PCDHA12: variants seen among roughly 807,000 people sequenced by gnomAD.
PCDHA12 encodes the protein protocadherin alpha-12.
A neutral mutation model predicts 60.0 loss-of-function variants in PCDHA12; 44 were observed. The observed-to-expected ratio is 0.73, with a 90% CI of 0.58 to 0.94. PCDHA12 has a LOEUF of 0.94. PCDHA12 is among the 40% of genes least tolerant of loss of function. The pLI is 0.00. For missense variants in PCDHA12, 1,276 were observed against 1,239.7 expected (o/e 1.03, Z -0.44); for synonymous variants, 569 against 553.0 (o/e 1.03, Z -0.40).
At chr5:140,931,779 T>G (rs1298337220) in intron 1 of PCDHA12, among the ~76,000 whole-genome samples, 1 of 152,006 alleles carries the variant, frequency 6.6e-6, no homozygotes, top group African/African-American at 2.4e-5. Context: ...CCTGTTCAAT[T>G]ACCTATTGAT....
intron 1 of PCDHA12, chr5:140,966,887 G>A: frequency 6.3e-7 from 1 of 1,592,682 alleles, no homozygotes. Flanking sequence ...TGGCCCTGCG[G>A]CCTCCCAGCT....
Position 140,968,771 on chromosome 5 carries a change from T to C in PCDHA12, c.2368-10178T>C, listed in dbSNP as rs144153196. The C allele has an allele frequency of 3.1e-6, 5 of 1,614,024 alleles. No homozygotes were observed. Among genetic ancestry groups the C allele is most frequent in the Non-Finnish European group, 4.2e-6 (5 of 1,180,044 alleles). On this transcript the variant is annotated intron_variant, in intron 1 of 3. Transcript: ENST00000398631. The stretch of plus-strand genomic sequence containing the variant: ...GGTGGTCCGAGATAATGGAGAGCCA[T>C]CACTATCAGCCTCTGTGGCCATTAC...
At chr5:140,914,564 A>AT (rs532022159) in intron 1 of PCDHA12, among the ~76,000 whole-genome samples, 1 of 152,026 alleles carries the variant, frequency 6.6e-6, no homozygotes, top group Non-Finnish European at 1.5e-5. Context: ...AGTTTAGTCC[A>AT]TTTACATTCA....
At chr5:140,975,486 A>G (rs1260336572) in intron 1 of PCDHA12, among the ~76,000 whole-genome samples, 4 of 152,228 alleles carry the variant, frequency 2.6e-5, no homozygotes, top group African/African-American at 4.8e-5. Flanking sequence ...GTTTATATCA[A>G]TGTTCATAAA....
intron 3 of PCDHA12, among the ~76,000 whole-genome samples, chr5:140,985,614 C>G (rs2097160648): frequency 6.6e-6 from 1 of 152,100 alleles, no homozygotes; most frequent in East Asian, 1.9e-4. Flanking sequence ...TTCCGTGAAC[C>G]AGCTGTGTAT....
chr5:140,927,733 C>T (rs782446148), intron 1 of PCDHA12: 7 of 1,614,198 alleles, frequency 4.3e-6, no homozygotes, highest in South Asian at 2.2e-5. Context: ...AGCAGAGCTG[C>T]GACACCGCTT....
Position 140,898,798 on chromosome 5 carries a change from G to A in PCDHA12, c.2367+20959G>A, listed in dbSNP as rs1441416892. On this transcript the variant is annotated intron_variant, in intron 1 of 3. Coordinates refer to ENST00000398631, the MANE Select transcript of PCDHA12 (RefSeq NM_018903.4). The stretch of plus-strand genomic sequence containing the variant: ...CCTTGGGCAGTATGGCCATTTTCAC[G>A]ATACTGATTCTTCCTACCCATGAGC... Among the ~76,000 whole-genome samples the A allele has an allele frequency of 2.6e-4, 39 of 152,120 alleles. 1 individual carries two copies. Among genetic ancestry groups the A allele is most frequent in the African/African-American group, 7.2e-5 (3 of 41,414 alleles).
chr5:140,883,960 G>A (rs2059914384), intron 1 of PCDHA12: 1 of 1,613,090 alleles, frequency 6.2e-7, no homozygotes. Context: ...ACGCTCCGGC[G>A]CTGCTGACGC....
chr5:140,879,923 G>C (rs2058180033), intron 1 of PCDHA12, among the ~76,000 whole-genome samples: 1 of 152,132 alleles, frequency 6.6e-6, no homozygotes, highest in South Asian at 2.1e-4. Context: ...GTTTTACAAA[G>C]GTACATGTGA....
intron 1 of PCDHA12, among the ~76,000 whole-genome samples, chr5:140,910,845 G>C (rs1448971238): frequency 6.6e-6 from 1 of 152,090 alleles, no homozygotes; most frequent in Non-Finnish European, 1.5e-5. Context: ...CAATGCCTTG[G>C]ATCTATGTTC....
intron 1 of PCDHA12, 79 bp from the exon 2 acceptor site, chr5:140,978,870 G>T: frequency 6.2e-7 from 1 of 1,606,988 alleles, no homozygotes; most frequent in Non-Finnish European, 8.5e-7. Context: ...ATTTAAGGGA[G>T]TAACTAATCA....
chr5:140,967,665 C>G (rs782126222), intron 1 of PCDHA12: 1 of 1,614,154 alleles, frequency 6.2e-7, no homozygotes. Context: ...AGCAGCTACA[C>G]GTCGGACCGG....
At chr5:140,975,003 A>G (rs1170426656) in intron 1 of PCDHA12, among the ~76,000 whole-genome samples, 3 of 152,152 alleles carry the variant, frequency 2.0e-5, no homozygotes, top group Non-Finnish European at 4.4e-5. Flanking sequence ...CAAGGCTGAA[A>G]TGAACACAGC....
Position 140,882,649 on chromosome 5 carries a change from C to T in PCDHA12, c.2367+4810C>T, listed in dbSNP as rs559940161. On this transcript the variant is annotated intron_variant, in intron 1 of 3. Transcript: ENST00000398631. ...TGGAGGTGAAGGTGAGGGACATTAA[C>T]GACAACCCGCCCATATTCCCTGAAA... The T allele has an allele frequency of 6.2e-6, 10 of 1,614,214 alleles. No individual in the cohort carries two copies. In the African/African-American group the frequency reaches 1.1e-4, roughly 17 times the overall value.
At chr5:140,882,982 C>A (rs139888237) in intron 1 of PCDHA12, 2 of 1,614,148 alleles carry the variant, frequency 1.2e-6, no homozygotes, top group South Asian at 1.1e-5. Flanking sequence ...TGAATGACAA[C>A]GCCCCGGAAT....
chr5:140,910,661 A>G (rs1289499574), intron 1 of PCDHA12, among the ~76,000 whole-genome samples: 1 of 152,186 alleles, frequency 6.6e-6, no homozygotes, highest in Non-Finnish European at 1.5e-5. Context: ...CTTCCTCTAC[A>G]TTAAACCAAG....
intron 1 of PCDHA12, among the ~76,000 whole-genome samples, chr5:140,943,763 G>T (rs2093562574): frequency 6.6e-6 from 1 of 152,122 alleles, no homozygotes; most frequent in Admixed American, 6.5e-5. Context: ...GGAGATGTAG[G>T]AAAAAAACTA....
At position 140,876,117 on chromosome 5, in the gene PCDHA12, C is replaced by G; in HGVS notation, c.645C>G (p.Ile215Met). 6.2e-7 allele frequency: 1 copy of G among 1,613,922 alleles called. No individual in the cohort carries two copies. The highest frequency in any genetic ancestry group is 2.2e-5 in the East Asian group (1 of 44,884). The part of the protein sequence containing the change: ...TPKLNLLLMV[I>M]DGGKPELTGS... ...AACTCAATTTATTGCTGATGGTAAT[C>G]GATGGCGGTAAACCAGAACTAACAG... Residue 215 changes from isoleucine to methionine, a missense_variant, in exon 1 of 4, where the codon ATC becomes ATG. By Grantham distance (10) the Ile-to-Met change is conservative (BLOSUM62 1). Transcript: ENST00000398631.
Position 140,901,240 on chromosome 5 carries a change from C to T in PCDHA12, c.2367+23401C>T, listed in dbSNP as rs868923936. 8.9e-4 allele frequency among the ~76,000 whole-genome samples: 135 copies of T among 151,946 alleles called. 1 individual carries two copies. Among genetic ancestry groups the T allele is most frequent in the Middle Eastern group, 6.8e-3 (2 of 294 alleles). The stretch of plus-strand genomic sequence containing the variant: ...TGTGATCCCATATATCCATTTTTTT[C>T]CTTTGGTTCCCTGTGATTGTGGGGT... On this transcript the variant is annotated intron_variant, in intron 1 of 3. Transcript: ENST00000398631.
Sources: gnomAD v4.1 joint callset for allele counts (sites outside exome capture counted in the v4.1 genomes callset) on GRCh38, gnomAD v4.1.1 for gene constraint, MANE v1.5 for transcripts, NCBI Gene and HGNC (gene_info 2026-07-23, HGNC 2026-07-21) for gene names.